CENPA: variants seen among roughly 807,000 people sequenced by gnomAD.
CENPA encodes centromere protein A, also known as histone H3-like centromeric protein A.
CENPA carries 7 observed loss-of-function variants against 17.2 expected under a neutral mutation model. The ratio of observed to expected loss-of-function variants is 0.41; its 90% CI spans 0.23 to 0.76. CENPA has a LOEUF of 0.76. Among genes scored for constraint, CENPA ranks in the 30% least tolerant of loss-of-function variants. The probability of loss-of-function intolerance (pLI) is 0.34; values close to 1 mark genes in which losing one functional copy is unlikely to be tolerated. For synonymous variants in CENPA, 82 were observed against 77.4 expected (o/e 1.06, Z -0.31); for missense variants, 149 against 193.1 (o/e 0.77, Z 1.35).
intron 1 of CENPA, among the ~76,000 whole-genome samples, chr2:26,788,085 T>G (rs1558298118): frequency 6.6e-6 from 1 of 152,208 alleles, no homozygotes; most frequent in Non-Finnish European, 1.5e-5. Context: ...TACTCCTGGT[T>G]AAATGGAAGG....
Position 26,793,332 on chromosome 2 carries a change from C to T in CENPA, c.*47+6C>T, listed in dbSNP as rs938496437. On this transcript the variant is annotated splice_donor_region_variant and intron_variant, in intron 4 of 4. Coordinates refer to ENST00000335756, the MANE Select transcript of CENPA (RefSeq NM_001809.4). The stretch of plus-strand genomic sequence containing the variant: ...CTTTCCTGCTCAGCCAGGGGGTAAG[C>T]TCATCCTCTTTCACAGGACTGGGGC... 46 of 1,600,336 alleles carry T rather than the reference C, an allele frequency of 2.9e-5. No individual in the cohort carries two copies. In the Admixed American group the frequency reaches 7.7e-4, roughly 27 times the overall value.
Position 26,787,510 on chromosome 2 carries a change from C to T in CENPA, c.100+1214C>T, listed in dbSNP as rs528802233. ...GATTACAGGCGTGAGCCACCGCGCC[C>T]GGCCGGCTTTTTGGTTTTTTGTTGT... On this transcript the variant is annotated intron_variant, in intron 1 of 4. Coordinates refer to ENST00000335756, the MANE Select transcript of CENPA (RefSeq NM_001809.4). Among the ~76,000 whole-genome samples the T allele has an allele frequency of 8.6e-5, 13 of 151,764 alleles. No individual in the cohort carries two copies. In the East Asian group the frequency reaches 1.9e-3, roughly 23 times the overall value.
At chr2:26,792,644 A>G in intron 2 of CENPA, 112 bp from the exon 3 acceptor site, 1 of 995,114 alleles carries the variant, frequency 1.0e-6, no homozygotes. Context: ...AGAGCCAGGA[A>G]AAAATAATGG....
In CENPA at chr2:26,793,197, T is replaced by C; in HGVS notation, c.341T>C (p.Leu114Ser). 1 of 1,614,150 alleles carries C rather than the reference T, an allele frequency of 6.2e-7. No individual in the cohort carries two copies. The highest frequency in any genetic ancestry group is 1.3e-5 in the African/African-American group (1 of 75,042). The change falls in exon 4 of 5, where the codon TTA becomes TCA. Residue 114 changes from leucine to serine, a missense_variant. Leu to Ser is a moderately radical substitution (Grantham distance 145, BLOSUM62 -2). Transcript: ENST00000335756. ...HLFEDAYLLT[L>S]HAGRVTLFPK... Reference sequence around the variant, plus strand: ...TTTGAGGACGCCTATCTCCTCACCTTACATGCAGGCCGAGTTACTCTCTTC... The same window carrying C: ...TTTGAGGACGCCTATCTCCTCACCTCACATGCAGGCCGAGTTACTCTCTTC...
intron 2 of CENPA, 75 bp from the exon 3 acceptor site, chr2:26,792,681 A>C (rs1375110628): frequency 1.7e-6 from 2 of 1,210,230 alleles, no homozygotes; most frequent in Non-Finnish European, 2.5e-6. Context: ...GAACTCATGG[A>C]GAGCATCATT....
At chr2:26,789,203 A>C (rs894947906) in intron 1 of CENPA, among the ~76,000 whole-genome samples, 1 of 151,534 alleles carries the variant, frequency 6.6e-6, no homozygotes, top group Non-Finnish European at 1.5e-5. Context: ...TGCTTGAACT[A>C]CTCCTGTCAG....
In CENPA at chr2:26,793,822, G is replaced by A. The variant is rs185584853; in HGVS notation, c.*58G>A. ...CTTCCTTAATTTCAGGGATGATACC[G>A]GGGACTCTCCAGAGCCATGACTAGA... On this transcript the variant is annotated 3_prime_UTR_variant, in exon 5 of 5. Transcript: ENST00000335756. The A allele has an allele frequency of 6.5e-6, 1 of 153,130 alleles. No homozygotes were observed. The highest frequency in any genetic ancestry group is 2.4e-5 in the African/African-American group (1 of 41,562). 9.5% of individuals were successfully genotyped at this position (153,130 alleles called of 1,614,324 possible).
intron 1 of CENPA, among the ~76,000 whole-genome samples, chr2:26,789,466 C>G (rs1159426421): frequency 2.0e-5 from 3 of 152,024 alleles, no homozygotes; most frequent in African/African-American, 4.8e-5. Context: ...CTCATCTCCT[C>G]CGTGGCTCTA....
rs779132456 is a variant in CENPA, at chr2:26,793,201, T to C, written c.345T>C (p.His115=). 8 of 1,614,176 alleles carry C rather than the reference T, an allele frequency of 5.0e-6. No homozygotes were observed. The Middle Eastern group carries it at 4.9e-4, about 100-fold the overall frequency. ...AGGACGCCTATCTCCTCACCTTACA[T>C]GCAGGCCGAGTTACTCTCTTCCCAA... is the stretch of plus-strand genomic sequence containing the variant. ...LFEDAYLLTL[H]AGRVTLFPKD... The change falls in exon 4 of 5, where the codon CAT becomes CAC. Residue 115 remains histidine, a synonymous_variant. Transcript: ENST00000335756.
intron 1 of CENPA, among the ~76,000 whole-genome samples, chr2:26,787,454 A>C (rs1386444621): frequency 6.6e-6 from 1 of 150,976 alleles, no homozygotes; most frequent in Non-Finnish European, 1.5e-5. Flanking sequence ...TGACCTCGTG[A>C]TCCGCCCACC....
At chr2:26,789,377 T>C (rs562263033) in intron 1 of CENPA, among the ~76,000 whole-genome samples, 50 of 152,164 alleles carry the variant, frequency 3.3e-4, no homozygotes, top group Admixed American at 1.5e-3. Context: ...TGTTCTCTAC[T>C]GCCTGTGCTG....
rs1385281029 is a variant in CENPA, at chr2:26,786,110, C to G, written c.-87C>G. 6 of 1,320,860 alleles carry G rather than the reference C, an allele frequency of 4.5e-6. No individual in the cohort carries two copies. The highest frequency in any genetic ancestry group is 8.3e-5 in the Admixed American group (2 of 24,148). The allele number at this position is 1,320,860 out of a possible 1,614,324, so 81.8% of individuals were successfully genotyped here. The stretch of plus-strand genomic sequence containing the variant: ...GGCTCGCGGCACAGCGTTCTCTGGG[C>G]TCCCCAGAAGCCAGCCTTTCGCTCC... On this transcript the variant is annotated 5_prime_UTR_variant, in exon 1 of 5. Coordinates refer to ENST00000335756, the MANE Select transcript of CENPA (RefSeq NM_001809.4).
intron 1 of CENPA, among the ~76,000 whole-genome samples, chr2:26,788,798 C>T (rs1007124781): frequency 6.6e-6 from 1 of 152,200 alleles, no homozygotes; most frequent in Non-Finnish European, 1.5e-5. Flanking sequence ...GCCTCAGCCT[C>T]CCGAGTAGCT....
chr2:26,787,450 C>G (rs538141758), intron 1 of CENPA, among the ~76,000 whole-genome samples: 3 of 150,750 alleles, frequency 2.0e-5, no homozygotes, highest in Non-Finnish European at 3.0e-5. Flanking sequence ...CTCCTGACCT[C>G]GTGATCCGCC....
In CENPA at chr2:26,794,119, G is replaced by T. The variant is rs1664671545; in HGVS notation, c.*355G>T. ...GATTTGCTGTGGTATGGGAGAAAAGGCTATGTACTTATTATTTTAGCTCTT... is the reference window on the plus strand; with the variant it reads ...GATTTGCTGTGGTATGGGAGAAAAGTCTATGTACTTATTATTTTAGCTCTT... On this transcript the variant is annotated 3_prime_UTR_variant, in exon 5 of 5. Coordinates refer to ENST00000335756, the MANE Select transcript of CENPA (RefSeq NM_001809.4). 2 of 152,150 alleles carry T rather than the reference G, an allele frequency of 1.3e-5. No individual in the cohort carries two copies. The highest frequency in any genetic ancestry group is 4.1e-4 in the South Asian group (2 of 4,826). The allele number at this position is 152,150 out of a possible 1,614,324, so 9.4% of individuals were successfully genotyped here. A position where few individuals can be genotyped will look rare whatever the true frequency, so the allele number is the denominator to read the frequency against.
At chr2:26,787,291 C>T (rs1379797861) in intron 1 of CENPA, among the ~76,000 whole-genome samples, 2 of 152,184 alleles carry the variant, frequency 1.3e-5, no homozygotes, top group African/African-American at 4.8e-5. Flanking sequence ...TCTCCGCTCA[C>T]GGCAAGCTCC....
Position 26,794,406 on chromosome 2 carries a change from T to C in CENPA, c.*642T>C, listed in dbSNP as rs2148069221. On this transcript the variant is annotated 3_prime_UTR_variant, in exon 5 of 5. Transcript: ENST00000335756. ...TAAGCTTTGATGTTCTGGTTACTTC[T>C]AGTAAATTCCTGTCAAAATCAATTC... 6.6e-6 allele frequency: 1 copy of C among 152,372 alleles called. No individual in the cohort carries two copies. The highest frequency in any genetic ancestry group is 1.9e-4 in the East Asian group (1 of 5,190). The allele number at this position is 152,372 out of a possible 1,614,324, so 9.4% of individuals were successfully genotyped here. A position where few individuals can be genotyped will look rare whatever the true frequency, so the allele number is the denominator to read the frequency against.
chr2:26,789,315 G>A (rs1039881574), intron 1 of CENPA, among the ~76,000 whole-genome samples: 1 of 151,994 alleles, frequency 6.6e-6, no homozygotes, highest in Non-Finnish European at 1.5e-5. Flanking sequence ...TCCTTGAAGC[G>A]TTCTGTTCCC....
intron 1 of CENPA, among the ~76,000 whole-genome samples, chr2:26,788,024 G>A (rs1390799610): frequency 2.6e-5 from 4 of 152,182 alleles, no homozygotes; most frequent in Non-Finnish European, 5.9e-5. Flanking sequence ...ATTTTAACAG[G>A]AATATTAAGT....
Sources: allele counts gnomAD v4.1 joint callset (sites outside exome capture counted in the v4.1 genomes callset), GRCh38; gene constraint gnomAD v4.1.1; transcripts MANE v1.5; gene names NCBI Gene and HGNC (gene_info 2026-07-23, HGNC 2026-07-21).